The following SHANK2 variants were observed in gnomAD, a reference collection of about 807,000 sequenced individuals.
The protein encoded by SHANK2 is SH3 and multiple ankyrin repeat domains protein 2.
A neutral mutation model predicts 133.7 loss-of-function variants in SHANK2; 43 were observed. That is an observed-to-expected ratio of 0.32 (90% CI 0.25 to 0.41). The LOEUF (loss-of-function observed/expected upper bound fraction) is 0.41, where lower values mean the gene tolerates loss of function less well. Ranked by LOEUF, SHANK2 falls within the 10% of genes least tolerant of loss-of-function variation. The pLI is 1.00. For synonymous variants in SHANK2, 1,017 were observed against 952.8 expected, an observed-to-expected ratio of 1.07 and a Z score of -1.24; for missense variants, 1,994 against 2,235.8, an observed-to-expected ratio of 0.89 and a Z score of 2.18.
chr11:70,895,215 C>G (rs988088399), intron 11 of SHANK2, among the ~76,000 whole-genome samples: 3 of 152,222 alleles, frequency 2.0e-5, no homozygotes, highest in Non-Finnish European at 4.4e-5. Flanking sequence ...TTCTCCAAGG[C>G]GGGGTAGGTA....
At chr11:70,891,848 A>C (rs1555074775) in intron 11 of SHANK2, among the ~76,000 whole-genome samples, 2 of 152,116 alleles carry the variant, frequency 1.3e-5, no homozygotes, top group African/African-American at 4.8e-5. Context: ...GACAATTGAA[A>C]ATTTCATGGT....
chr11:70,685,012 G>A (rs1945114814), intron 15 of SHANK2, among the ~76,000 whole-genome samples: 1 of 152,046 alleles, frequency 6.6e-6, no homozygotes, highest in Non-Finnish European at 1.5e-5. Flanking sequence ...AGGACCCTGG[G>A]CAAGGCCTGA....
At chr11:70,556,839 GCCTTGGCCT>G (rs2059838791) in intron 17 of SHANK2, among the ~76,000 whole-genome samples, 1 of 151,938 alleles carries the variant, frequency 6.6e-6, no homozygotes, top group African/African-American at 2.4e-5. Context: ...TGATCCGCCC[GCCTTGGCCT>G]CCTAAAGTGA....
At chr11:70,925,242 G>A (rs531698547) in intron 10 of SHANK2, among the ~76,000 whole-genome samples, 13 of 152,240 alleles carry the variant, frequency 8.5e-5, no homozygotes, top group South Asian at 2.1e-4. Context: ...CATCAGCAAC[G>A]TTATGGAATA....
Position 70,636,174 on chromosome 11 carries a change from TGA to T in SHANK2, c.2061+23652_2061+23653del, listed in dbSNP as rs201192714. On this transcript the variant is annotated intron_variant, in intron 17 of 25. Coordinates refer to ENST00000601538, the MANE Select transcript of SHANK2 (RefSeq NM_012309.5). ...TAGCTGCACAGCATCCTAGTGTGTG[TGA>T]GAGTATATGCGTGAGCATGTGTGAA... Among the ~76,000 whole-genome samples, 786 of 152,376 alleles carry T rather than the reference TGA, an allele frequency of 5.2e-3. 4 individuals are homozygous for T. Among genetic ancestry groups the T allele is most frequent in the African/African-American group, 0.018 (751 of 41,592 alleles).
chr11:70,492,293 C>A, intron 22 of SHANK2, 42 bp downstream of exon 22: 2 of 1,602,938 alleles, frequency 1.2e-6, no homozygotes, highest in Middle Eastern at 1.7e-4. Context: ...TCCTGGGCAC[C>A]GTCGGCCCCC....
At chr11:70,746,120 A>T (rs1351693170) in intron 14 of SHANK2, among the ~76,000 whole-genome samples, 13 of 152,196 alleles carry the variant, frequency 8.5e-5, no homozygotes, top group Non-Finnish European at 4.4e-5. Context: ...TCTCACACCC[A>T]CGCTTCAAAG....
At chr11:70,818,639 T>C (rs1261528788) in intron 12 of SHANK2, among the ~76,000 whole-genome samples, 3 of 152,182 alleles carry the variant, frequency 2.0e-5, no homozygotes, top group Non-Finnish European at 4.4e-5. Flanking sequence ...CTGGGACTCC[T>C]CCCTTGGGGT....
chr11:70,501,271 GGAA>G (rs1418886077), intron 20 of SHANK2, among the ~76,000 whole-genome samples: 2 of 152,216 alleles, frequency 1.3e-5, no homozygotes, highest in African/African-American at 4.8e-5. Flanking sequence ...CCTGGGCCGA[GGAA>G]GGATGACATC....
intron 10 of SHANK2, among the ~76,000 whole-genome samples, chr11:70,923,324 C>T (rs1013132066): frequency 4.1e-4 from 62 of 152,130 alleles, no homozygotes; most frequent in African/African-American, 1.4e-3. Flanking sequence ...CTCACCGCAA[C>T]CTCCGCCTCC....
intron 3 of SHANK2, among the ~76,000 whole-genome samples, chr11:71,137,262 T>A (rs1336858919): frequency 3.0e-4 from 42 of 140,116 alleles, no homozygotes; most frequent in South Asian, 4.6e-4. Context: ...TCTTTTTTTT[T>A]AAATCCTTTT....
At chr11:70,621,672 C>A (rs568696479) in intron 17 of SHANK2, among the ~76,000 whole-genome samples, 1 of 152,146 alleles carries the variant, frequency 6.6e-6, no homozygotes. Context: ...CCCAGCCATG[C>A]GTGGCTGCTT....
intron 17 of SHANK2, among the ~76,000 whole-genome samples, chr11:70,567,367 G>A (rs1477824074): frequency 1.3e-5 from 2 of 152,140 alleles, no homozygotes. Flanking sequence ...GGTGGCTCAT[G>A]CCTATAATCC....
intron 6 of SHANK2, among the ~76,000 whole-genome samples, chr11:71,102,179 T>C (rs1237574734): frequency 6.6e-6 from 1 of 152,164 alleles, no homozygotes; most frequent in African/African-American, 2.4e-5. Flanking sequence ...GTTTGGGGCT[T>C]GGAAACACAA....
At chr11:70,717,346 G>A (rs1258202922) in intron 14 of SHANK2, among the ~76,000 whole-genome samples, 2 of 152,288 alleles carry the variant, frequency 1.3e-5, no homozygotes, top group Admixed American at 6.5e-5. Context: ...CCCACTAGCC[G>A]CTCAAAGGGA....
intron 17 of SHANK2, among the ~76,000 whole-genome samples, chr11:70,625,485 A>T (rs898044614): frequency 1.2e-4 from 18 of 152,260 alleles, no homozygotes; most frequent in African/African-American, 4.1e-4. Flanking sequence ...AGGCAAACAG[A>T]GACACATACA....
At chr11:71,133,346 A>ATGGATGGATGGC (rs1172807204) in intron 3 of SHANK2, among the ~76,000 whole-genome samples, 1 of 111,890 alleles carries the variant, frequency 8.9e-6, no homozygotes, top group Non-Finnish European at 1.8e-5. Context: ...GGGAGGATGC[A>ATGGATGGATGGC]TGGCTGGCTG....
chr11:70,584,745 T>TCCTGGGAAGAGTGAGTTAGCAGCTGTCCC (rs1554986307), intron 17 of SHANK2, among the ~76,000 whole-genome samples: 1 of 152,088 alleles, frequency 6.6e-6, no homozygotes, highest in East Asian at 1.9e-4. Context: ...CTCCCCTACC[T>TCCTGGGAAGAGTGAGTTAGCAGCTGTCCC]CCTGGGAAGA....
At chr11:70,540,821 C>T (rs1429291112) in intron 17 of SHANK2, among the ~76,000 whole-genome samples, 1 of 135,012 alleles carries the variant, frequency 7.4e-6, no homozygotes, top group Non-Finnish European at 1.6e-5. Flanking sequence ...TGCACTCCAG[C>T]CTGGGCGAAA....
Sources: gnomAD v4.1 joint callset for allele counts (sites outside exome capture counted in the v4.1 genomes callset) on GRCh38, gnomAD v4.1.1 for gene constraint, MANE v1.5 for transcripts, NCBI Gene and HGNC (gene_info 2026-07-23, HGNC 2026-07-21) for gene names.